FOXP2: variants seen among roughly 807,000 people sequenced by gnomAD.
FOXP2 encodes forkhead box protein P2.
In FOXP2, 12 loss-of-function variants were observed where a neutral mutation model predicts 115.8. The observed-to-expected ratio is 0.10, with a 90% CI of 0.07 to 0.17. The LOEUF is 0.17. Ranked by LOEUF, FOXP2 falls within the 10% of genes least tolerant of loss-of-function variation. The probability of loss-of-function intolerance (pLI) is 1.00; values close to 1 mark genes in which losing one functional copy is unlikely to be tolerated. For missense variants in FOXP2, 629 were observed against 843.5 expected, an observed-to-expected ratio of 0.75 and a Z score of 3.15; for synonymous variants, 328 against 297.7, an observed-to-expected ratio of 1.10 and a Z score of -1.05.
chr7:114,320,495 C>A (rs2129181366), intron 2 of FOXP2, among the ~76,000 whole-genome samples: 1 of 152,210 alleles, frequency 6.6e-6, no homozygotes, highest in South Asian at 2.1e-4. Context: ...TATATTGTAA[C>A]TTCTTTGTTT....
intron 1 of FOXP2, among the ~76,000 whole-genome samples, chr7:114,097,255 C>G (rs1799672535): frequency 6.6e-6 from 1 of 151,992 alleles, no homozygotes; most frequent in Non-Finnish European, 1.5e-5. Context: ...TTGTATAATC[C>G]TTCAGATTTC....
chr7:114,670,156 A>ATT (rs1807416292), intron 16 of FOXP2, among the ~76,000 whole-genome samples: 1 of 151,952 alleles, frequency 6.6e-6, no homozygotes, highest in African/African-American at 2.4e-5. Flanking sequence ...AATATTCTAT[A>ATT]TTCGTTGTAG....
intron 3 of FOXP2, among the ~76,000 whole-genome samples, chr7:114,573,334 A>G (rs946854436): frequency 6.6e-6 from 1 of 151,760 alleles, no homozygotes; most frequent in African/African-American, 2.4e-5. Context: ...AAAAAATACT[A>G]TATTATTCAT....
At chr7:114,220,333 A>C (rs865887144) in intron 1 of FOXP2, among the ~76,000 whole-genome samples, 1 of 152,220 alleles carries the variant, frequency 6.6e-6, no homozygotes, top group South Asian at 2.1e-4. Flanking sequence ...TTAAGCCTAC[A>C]ACATTACATA....
intron 2 of FOXP2, among the ~76,000 whole-genome samples, chr7:114,357,805 A>G (rs529694448): frequency 1.3e-5 from 2 of 152,212 alleles, no homozygotes; most frequent in African/African-American, 4.8e-5. Context: ...GAATAGCAGC[A>G]GTGTGGTTTG....
At chr7:114,391,369 T>C (rs969264666) in intron 2 of FOXP2, among the ~76,000 whole-genome samples, 1 of 152,206 alleles carries the variant, frequency 6.6e-6, no homozygotes, top group East Asian at 1.9e-4. Flanking sequence ...TTAAGATTCC[T>C]GGTTTAAAAT....
At chr7:114,172,698 G>A (rs1793179572) in intron 1 of FOXP2, among the ~76,000 whole-genome samples, 1 of 151,910 alleles carries the variant, frequency 6.6e-6, no homozygotes, top group Non-Finnish European at 1.5e-5. Flanking sequence ...AAAAAGAAAA[G>A]AAAACATTGA....
At chr7:114,439,434 G>A (rs924166684) in intron 2 of FOXP2, among the ~76,000 whole-genome samples, 3 of 152,092 alleles carry the variant, frequency 2.0e-5, no homozygotes, top group Middle Eastern at 3.4e-3. Context: ...ATCTCTAGTT[G>A]ATTAATCATT....
chr7:114,482,096 A>G (rs1257575228), intron 2 of FOXP2, among the ~76,000 whole-genome samples: 1 of 151,290 alleles, frequency 6.6e-6, no homozygotes, highest in Non-Finnish European at 1.5e-5. Context: ...TCCTATTAGT[A>G]CTCAATATAA....
intron 1 of FOXP2, among the ~76,000 whole-genome samples, chr7:114,223,033 G>T (rs1181881198): frequency 6.6e-6 from 1 of 151,924 alleles, no homozygotes; most frequent in African/African-American, 2.4e-5. Flanking sequence ...TTTGTTTGTT[G>T]TTGCAGTTGC....
chr7:114,344,291 C>T (rs1167940164), intron 2 of FOXP2, among the ~76,000 whole-genome samples: 2 of 151,644 alleles, frequency 1.3e-5, no homozygotes, highest in African/African-American at 4.8e-5. Flanking sequence ...AGTAGAAAAA[C>T]CCTATACCCA....
At chr7:114,150,779 T>A (rs542974567) in intron 1 of FOXP2, among the ~76,000 whole-genome samples, 2 of 152,156 alleles carry the variant, frequency 1.3e-5, no homozygotes, top group South Asian at 4.1e-4. Context: ...ATATCAATTT[T>A]CTCTCTTTGG....
At chr7:114,308,958 T>C (rs551609922) in intron 2 of FOXP2, among the ~76,000 whole-genome samples, 43 of 152,288 alleles carry the variant, frequency 2.8e-4, no homozygotes, top group African/African-American at 1.0e-3. Context: ...GTGGAGTCAA[T>C]GCTGTTGAGA....
intron 1 of FOXP2, among the ~76,000 whole-genome samples, chr7:114,114,667 A>C (rs1450038810): frequency 6.6e-6 from 1 of 152,102 alleles, no homozygotes; most frequent in Admixed American, 6.6e-5. Context: ...GGAATGTAAA[A>C]TATTGCTTTC....
Position 114,691,943 on chromosome 7 carries a change from G to GAAA in FOXP2, c.*2028_*2030dup. On this transcript the variant is annotated 3_prime_UTR_variant, in exon 17 of 17. Transcript: ENST00000350908. ...TTCTACCTCTGCAAAAAAAAAAAAA[G>GAAA]AAAAAAAAAAAAAGAAAAACATTAG... 1 of 364,100 alleles carries GAAA rather than the reference G, an allele frequency of 2.7e-6. No individual in the cohort carries two copies. Among genetic ancestry groups the GAAA allele is most frequent in the Non-Finnish European group, 5.1e-6 (1 of 196,448 alleles). 22.6% of individuals were successfully genotyped at this position (364,100 alleles called of 1,614,324 possible). A position where few individuals can be genotyped will look rare whatever the true frequency, so the allele number is the denominator to read the frequency against.
intron 11 of FOXP2, among the ~76,000 whole-genome samples, chr7:114,658,694 A>T (rs996360662): frequency 1.3e-5 from 2 of 152,200 alleles, no homozygotes; most frequent in African/African-American, 4.8e-5. Context: ...TGCTACCTAA[A>T]TGAAATCCTG....
In FOXP2 at chr7:114,644,803, T is replaced by C; in HGVS notation, c.1094+14T>C. On this transcript the variant is annotated intron_variant, in intron 8 of 16. Coordinates refer to ENST00000350908, the MANE Select transcript of FOXP2 (RefSeq NM_014491.4). ...ACAGTTTTTAAAGTAGGTTTTTTACTTTTTTTTGGTGGGGGGCGGGGGCTG... is the reference window on the plus strand; with the variant it reads ...ACAGTTTTTAAAGTAGGTTTTTTACCTTTTTTTGGTGGGGGGCGGGGGCTG... 6.3e-7 allele frequency: 1 copy of C among 1,576,210 alleles called. No individual in the cohort carries two copies. Among genetic ancestry groups the C allele is most frequent in the Non-Finnish European group, 8.7e-7 (1 of 1,150,288 alleles).
chr7:114,281,654 T>A (rs1019937755), intron 1 of FOXP2, among the ~76,000 whole-genome samples: 1 of 152,186 alleles, frequency 6.6e-6, no homozygotes, highest in African/African-American at 2.4e-5. Flanking sequence ...TATCTGCCAA[T>A]AAAATATATA....
upstream of FOXP2, chr7:114,087,746 A>C (rs1799452031): frequency 6.6e-6 from 1 of 151,616 alleles, no homozygotes; most frequent in African/African-American, 2.4e-5. Flanking sequence ...ACCCGACCTC[A>C]GTGTGGACCC....
Sources: allele counts gnomAD v4.1 joint callset (sites outside exome capture counted in the v4.1 genomes callset), GRCh38; gene constraint gnomAD v4.1.1; transcripts MANE v1.5; gene names NCBI Gene and HGNC (gene_info 2026-07-23, HGNC 2026-07-21).